Variants in CSMD1 observed in about 807,000 individuals in gnomAD.
The protein encoded by CSMD1 is CUB and Sushi multiple domains 1.
A neutral mutation model predicts 417.5 loss-of-function variants in CSMD1; 213 were observed. The observed-to-expected ratio is 0.51, with a 90% CI of 0.46 to 0.57. The LOEUF (loss-of-function observed/expected upper bound fraction) is 0.57. Among genes scored for constraint, CSMD1 ranks in the 20% least tolerant of loss-of-function variants. CSMD1 has a pLI of 0.00. For missense variants in CSMD1, 6,923 were observed against 4,529.7 expected (o/e 1.53, Z -15.17); for synonymous variants, 2,862 against 1,736.8 (o/e 1.65, Z -16.11).
chr8:3,443,190 T>C (rs1815099563), intron 12 of CSMD1, among the ~76,000 whole-genome samples: 1 of 152,160 alleles, frequency 6.6e-6, no homozygotes, highest in Admixed American at 6.6e-5. Context: ...TGTGAGAGGA[T>C]ACACGCACAA....
chr8:4,649,681 T>C (rs929351864), intron 1 of CSMD1, among the ~76,000 whole-genome samples: 4 of 152,220 alleles, frequency 2.6e-5, no homozygotes, highest in African/African-American at 4.8e-5. Flanking sequence ...TGAAACTACA[T>C]TAATTGGAAA....
chr8:3,328,511 C>T (rs1053987599), intron 23 of CSMD1, among the ~76,000 whole-genome samples: 1 of 152,204 alleles, frequency 6.6e-6, no homozygotes, highest in Non-Finnish European at 1.5e-5. Context: ...TGTGTTCAGA[C>T]TGTCATATGA....
intron 1 of CSMD1, among the ~76,000 whole-genome samples, chr8:4,881,426 T>C (rs900387525): frequency 2.2e-5 from 1 of 45,124 alleles, no homozygotes; most frequent in East Asian, 2.9e-3. Context: ...TATCTATCTA[T>C]CTATCTATCT....
chr8:4,905,683 G>C (rs568620490), intron 1 of CSMD1, among the ~76,000 whole-genome samples: 1 of 151,810 alleles, frequency 6.6e-6, no homozygotes, highest in Non-Finnish European at 1.5e-5. Flanking sequence ...AGCCGGGCGT[G>C]GTGGCGGGCG....
At chr8:4,749,501 T>C (rs1322615055) in intron 1 of CSMD1, among the ~76,000 whole-genome samples, 1 of 152,208 alleles carries the variant, frequency 6.6e-6, no homozygotes, top group African/African-American at 2.4e-5. Context: ...AGTGATGACT[T>C]GTGGTTAGCA....
chr8:4,224,040 T>C (rs2128809866), intron 3 of CSMD1, among the ~76,000 whole-genome samples: 1 of 152,202 alleles, frequency 6.6e-6, no homozygotes, highest in South Asian at 2.1e-4. Context: ...TAACAAAACA[T>C]GCATACGTAA....
At chr8:3,279,368 A>T (rs886332128) in intron 26 of CSMD1, among the ~76,000 whole-genome samples, 1 of 152,176 alleles carries the variant, frequency 6.6e-6, no homozygotes, top group African/African-American at 2.4e-5. Flanking sequence ...CTTCTTGTCA[A>T]CTCGAATGCA....
chr8:4,250,010 T>C (rs76442505), intron 3 of CSMD1, among the ~76,000 whole-genome samples: 2 of 152,086 alleles, frequency 1.3e-5, no homozygotes, highest in East Asian at 1.9e-4. Flanking sequence ...GTTTAGGTCA[T>C]AAGGGCTCTG....
chr8:2,993,643 C>T (rs111996208), intron 54 of CSMD1, among the ~76,000 whole-genome samples: 11 of 152,204 alleles, frequency 7.2e-5, no homozygotes, highest in Non-Finnish European at 1.2e-4. Flanking sequence ...AAAGGTCTCC[C>T]GGGACGTATA....
intron 6 of CSMD1, among the ~76,000 whole-genome samples, chr8:3,752,095 C>T (rs1057279664): frequency 2.6e-5 from 4 of 152,108 alleles, no homozygotes; most frequent in Non-Finnish European, 4.4e-5. Flanking sequence ...TGTGCACCCA[C>T]CTCCCACCGC....
In CSMD1 at chr8:3,729,922, T is replaced by TA. The variant is rs1160679199; in HGVS notation, c.932-21432dup. 5.5e-4 allele frequency among the ~76,000 whole-genome samples: 26 copies of TA among 47,066 alleles called. 3 individuals carry two copies. The highest frequency in any genetic ancestry group is 3.6e-3 in the African/African-American group (26 of 7,322). 30.9% of individuals were successfully genotyped at this position (47,066 alleles called of 152,430 possible). A position where few individuals can be genotyped will look rare whatever the true frequency, so the allele number is the denominator to read the frequency against. ...AGAATTATTATTTGCCAATTCAAAG[T>TA]AAAAAAAAAAAAAAAAAAAAAAAAA... On this transcript the variant is annotated intron_variant, in intron 6 of 69. Coordinates refer to ENST00000635120, the MANE Select transcript of CSMD1 (RefSeq NM_033225.6).
rs1154073 is a variant in CSMD1 at position 4,469,721 on chromosome 8, C to T, written c.303-49656G>A. On this transcript the variant is annotated intron_variant, in intron 2 of 69. Coordinates refer to ENST00000635120, the MANE Select transcript of CSMD1 (RefSeq NM_033225.6). ...CTAACGTCACCACTTTTGCCCTTGTCCCTCTACATCTCTGCACAGGAGGCA... is the reference window on the plus strand; with the variant it reads ...CTAACGTCACCACTTTTGCCCTTGTTCCTCTACATCTCTGCACAGGAGGCA... 5.1e-3 allele frequency among the ~76,000 whole-genome samples: 772 copies of T among 152,188 alleles called. 5 individuals carry two copies. Among genetic ancestry groups the T allele is most frequent in the African/African-American group, 0.018 (733 of 41,524 alleles).
intron 3 of CSMD1, among the ~76,000 whole-genome samples, chr8:4,378,139 C>G (rs752860405): frequency 6.6e-6 from 1 of 152,152 alleles, no homozygotes; most frequent in Non-Finnish European, 1.5e-5. Flanking sequence ...AGTGTACATG[C>G]TTCAATATTT....
At chr8:4,859,521 G>C (rs1415783112) in intron 1 of CSMD1, among the ~76,000 whole-genome samples, 1 of 151,890 alleles carries the variant, frequency 6.6e-6, no homozygotes, top group Non-Finnish European at 1.5e-5. Context: ...TCTGACCAAG[G>C]GCAATATCCA....
At chr8:4,487,399 A>G (rs907188471) in intron 2 of CSMD1, among the ~76,000 whole-genome samples, 3 of 152,172 alleles carry the variant, frequency 2.0e-5, no homozygotes, top group East Asian at 1.9e-4. Context: ...CCCATCTATG[A>G]GTGAGAACAT....
intron 5 of CSMD1, among the ~76,000 whole-genome samples, chr8:3,870,917 T>A (rs374391471): frequency 6.6e-6 from 1 of 152,118 alleles, no homozygotes; most frequent in Non-Finnish European, 1.5e-5. Flanking sequence ...TTTTATTGCA[T>A]GTACATAGCT....
At chr8:4,669,084 T>A (rs977867786) in intron 1 of CSMD1, among the ~76,000 whole-genome samples, 8 of 152,224 alleles carry the variant, frequency 5.3e-5, no homozygotes, top group African/African-American at 1.9e-4. Flanking sequence ...TTTTACAGAC[T>A]TATAAAGCTT....
intron 1 of CSMD1, among the ~76,000 whole-genome samples, chr8:4,989,242 C>A (rs573288469): frequency 6.6e-6 from 1 of 152,052 alleles, no homozygotes; most frequent in African/African-American, 2.4e-5. Context: ...ATTTCTTTGG[C>A]TCAGGTTGCA....
chr8:4,947,564 T>A (rs1808452664), intron 1 of CSMD1, among the ~76,000 whole-genome samples: 2 of 152,118 alleles, frequency 1.3e-5, no homozygotes, highest in Non-Finnish European at 2.9e-5. Context: ...GAATATAAAT[T>A]AACTTGTATG....
Sources: gnomAD v4.1 joint callset for allele counts (sites outside exome capture counted in the v4.1 genomes callset) on GRCh38, gnomAD v4.1.1 for gene constraint, MANE v1.5 for transcripts, NCBI Gene and HGNC (gene_info 2026-07-23, HGNC 2026-07-21) for gene names.